The following PHACTR3 variants were observed in gnomAD, a reference collection of about 807,000 sequenced individuals.
PHACTR3 encodes the protein phosphatase and actin regulator 3.
Under a neutral mutation model 66.8 loss-of-function variants are expected in PHACTR3, and 16 were observed. That is an observed-to-expected ratio of 0.24 (90% CI 0.16 to 0.36). The LOEUF is 0.36. PHACTR3 is among the 10% of genes least tolerant of loss of function. The pLI, the probability that PHACTR3 is intolerant of heterozygous loss-of-function variation, is 1.00. For synonymous variants in PHACTR3, 323 were observed against 292.1 expected, an observed-to-expected ratio of 1.11 and a Z score of -1.08; for missense variants, 647 against 719.9, an observed-to-expected ratio of 0.90 and a Z score of 1.16.
In PHACTR3 at chr20:59,738,333, G is replaced by A. The variant is rs934590311; in HGVS notation, c.119-4774G>A. On this transcript the variant is annotated intron_variant, in intron 1 of 12. Coordinates refer to ENST00000371015, the MANE Select transcript of PHACTR3 (RefSeq NM_080672.5). The surrounding 1 kb of genome is among the most constrained non-coding windows in gnomAD (Gnocchi z 4.4). ...AATGCACAATAAGGATGATAATAAG[G>A]GGGAGGGAGCAGCAGAGCACAGAGA... 6.6e-6 allele frequency among the ~76,000 whole-genome samples: 1 copy of A among 152,010 alleles called. No homozygotes were observed. The highest frequency in any genetic ancestry group is 1.5e-5 in the Non-Finnish European group (1 of 68,004).
chr20:59,767,144 G>C (rs778608856), intron 4 of PHACTR3, 42 bp from the exon 5 acceptor site: 1 of 1,606,102 alleles, frequency 6.2e-7, no homozygotes, highest in Non-Finnish European at 8.5e-7. Context: ...ACTGCTGTCA[G>C]AGGAAACATG....
chr20:59,634,679 G>A (rs1451649731), intron 1 of PHACTR3, among the ~76,000 whole-genome samples: 1 of 152,126 alleles, frequency 6.6e-6, no homozygotes, highest in African/African-American at 2.4e-5. Flanking sequence ...GCAGCCTCCT[G>A]TGCTTTTATC....
intron 8 of PHACTR3, among the ~76,000 whole-genome samples, chr20:59,825,249 C>T (rs1046829217): frequency 6.6e-6 from 1 of 152,234 alleles, no homozygotes; most frequent in Middle Eastern, 3.2e-3. Flanking sequence ...ACTGTGGTGT[C>T]TCTTTCACAG....
intron 1 of PHACTR3, among the ~76,000 whole-genome samples, chr20:59,584,064 G>A (rs2032943508): frequency 6.6e-6 from 1 of 152,226 alleles, no homozygotes; most frequent in Non-Finnish European, 1.5e-5. Flanking sequence ...TGGGTCAAAG[G>A]AAACACAAGT....
intron 1 of PHACTR3, among the ~76,000 whole-genome samples, chr20:59,679,931 A>G (rs540357161): frequency 6.6e-6 from 1 of 152,254 alleles, no homozygotes; most frequent in South Asian, 2.1e-4. Context: ...TTGGGTGGGG[A>G]CACAGCCAAA....
chr20:59,695,221 C>G (rs1342591190), intron 1 of PHACTR3, among the ~76,000 whole-genome samples: 1 of 152,150 alleles, frequency 6.6e-6, no homozygotes, highest in Non-Finnish European at 1.5e-5. Context: ...CTGTCCCCAT[C>G]CAAATCTCAT....
chr20:59,706,793 A>C (rs2037720055), intron 1 of PHACTR3, among the ~76,000 whole-genome samples: 1 of 152,202 alleles, frequency 6.6e-6, no homozygotes. Flanking sequence ...CTAGACGCAC[A>C]GCAGGGAAAC....
intron 7 of PHACTR3, among the ~76,000 whole-genome samples, chr20:59,787,749 G>A (rs1211997342): frequency 6.6e-6 from 1 of 152,160 alleles, no homozygotes; most frequent in African/African-American, 2.4e-5. Flanking sequence ...GACAGAGCCT[G>A]ACTTTTCCAC....
intron 8 of PHACTR3, among the ~76,000 whole-genome samples, chr20:59,833,269 T>C (rs557342656): frequency 7.9e-5 from 12 of 152,344 alleles, no homozygotes; most frequent in Non-Finnish European, 1.0e-4. Flanking sequence ...CAGTGAGCGA[T>C]TGGACCACTA....
chr20:59,699,078 T>G (rs1257662591), intron 1 of PHACTR3, among the ~76,000 whole-genome samples: 1 of 152,198 alleles, frequency 6.6e-6, no homozygotes, highest in Non-Finnish European at 1.5e-5. Context: ...GTGTTGTTGC[T>G]TCTTACTTTT....
chr20:59,709,906 G>C (rs2037851545), intron 1 of PHACTR3, among the ~76,000 whole-genome samples: 2 of 152,112 alleles, frequency 1.3e-5, no homozygotes, highest in Non-Finnish European at 2.9e-5. Context: ...CTGAAGTGCA[G>C]CTTATAGGCT....
At chr20:59,777,567 G>A (rs1031385069) in intron 7 of PHACTR3, among the ~76,000 whole-genome samples, 9 of 152,162 alleles carry the variant, frequency 5.9e-5, no homozygotes, top group Admixed American at 1.3e-4. Flanking sequence ...GTTGTCAGAC[G>A]AAGGCCCTCA....
intron 1 of PHACTR3, among the ~76,000 whole-genome samples, chr20:59,673,959 A>G (rs963493849): frequency 4.6e-5 from 7 of 152,178 alleles, no homozygotes; most frequent in African/African-American, 1.7e-4. Flanking sequence ...GCCCTGGCAG[A>G]GCAGCCCCGA....
At chr20:59,742,587 G>T (rs531585603) in intron 1 of PHACTR3, among the ~76,000 whole-genome samples, 1 of 152,218 alleles carries the variant, frequency 6.6e-6, no homozygotes, top group African/African-American at 2.4e-5. Context: ...GCAGCCTGGT[G>T]GGAGGGCAGG....
intron 8 of PHACTR3, among the ~76,000 whole-genome samples, chr20:59,816,638 G>C (rs934356663): frequency 1.3e-5 from 2 of 152,202 alleles, no homozygotes; most frequent in South Asian, 4.1e-4. Context: ...TTTAAGGAAG[G>C]AAGAAACTTC....
In PHACTR3 at chr20:59,737,481, T is replaced by C. The variant is rs150675041; in HGVS notation, c.119-5626T>C. On this transcript the variant is annotated intron_variant, in intron 1 of 12. Coordinates refer to ENST00000371015, the MANE Select transcript of PHACTR3 (RefSeq NM_080672.5). Reference sequence around the variant, plus strand: ...ACAGGTAAACAAATGAGTGTGTGCGTGCATGTGCGTGTGTGTGTGTCTGTG... The same window carrying C: ...ACAGGTAAACAAATGAGTGTGTGCGCGCATGTGCGTGTGTGTGTGTCTGTG... 1.4e-3 allele frequency among the ~76,000 whole-genome samples: 208 copies of C among 151,784 alleles called. 2 individuals are homozygous for C. Among genetic ancestry groups the C allele is most frequent in the Non-Finnish European group, 2.6e-3 (175 of 67,894 alleles).
At chr20:59,832,072 C>T (rs2042400686) in intron 8 of PHACTR3, among the ~76,000 whole-genome samples, 1 of 152,106 alleles carries the variant, frequency 6.6e-6, no homozygotes, top group Non-Finnish European at 1.5e-5. Flanking sequence ...GCTTCCTGGG[C>T]CTCATCCCAG....
chr20:59,683,485 CTTT>C (rs11478171), intron 1 of PHACTR3, among the ~76,000 whole-genome samples: 4 of 140,836 alleles, frequency 2.8e-5, no homozygotes, highest in Non-Finnish European at 6.2e-5. Flanking sequence ...TAAACCAGGT[CTTT>C]TTTTTTTTTT....
intron 1 of PHACTR3, among the ~76,000 whole-genome samples, chr20:59,696,583 A>C (rs1365624974): frequency 6.6e-6 from 1 of 152,184 alleles, no homozygotes; most frequent in Non-Finnish European, 1.5e-5. Flanking sequence ...CAGGGTTTGC[A>C]CATTCAAACA....
Sources: gnomAD v4.1 joint callset for allele counts (sites outside exome capture counted in the v4.1 genomes callset) on GRCh38, gnomAD v4.1.1 for gene constraint, Gnocchi (gnomAD v3.1) non-coding constraint, MANE v1.5 for transcripts, NCBI Gene and HGNC (gene_info 2026-07-23, HGNC 2026-07-21) for gene names.